The following ENGASE variants were observed in gnomAD, a reference collection of about 807,000 sequenced individuals.
ENGASE encodes the protein cytosolic endo-beta-N-acetylglucosaminidase.
A neutral mutation model predicts 78.5 loss-of-function variants in ENGASE; 69 were observed. The ratio of observed to expected loss-of-function variants is 0.88; its 90% CI spans 0.72 to 1.07. The LOEUF (loss-of-function observed/expected upper bound fraction) is 1.07, where lower values mean the gene tolerates loss of function less well. Among genes scored for constraint, ENGASE ranks in the 50% least tolerant of loss-of-function variants. The pLI is 0.00. For synonymous variants in ENGASE, 408 were observed against 408.9 expected, an observed-to-expected ratio of 1.00 and a Z score of 0.03; for missense variants, 943 against 988.4, an observed-to-expected ratio of 0.95 and a Z score of 0.62.
chr17:79,075,351 G>A (rs1449657886), intron 1 of ENGASE, among the ~76,000 whole-genome samples: 2 of 152,234 alleles, frequency 1.3e-5, no homozygotes, highest in Admixed American at 6.5e-5. Flanking sequence ...AAACCCGAGT[G>A]GCCGCGGGGC....
rs1184585363 is a variant in ENGASE at position 79,083,185 on chromosome 17, T to G, written c.1142+62T>G. Reference sequence around the variant, plus strand: ...ATGGGAGGGAGGGGTTTCTGGTGTCTCTGATAGGACACGTTTGTGCTCTTT... The same window carrying G: ...ATGGGAGGGAGGGGTTTCTGGTGTCGCTGATAGGACACGTTTGTGCTCTTT... On this transcript the variant is annotated intron_variant, in intron 8 of 13. Coordinates refer to ENST00000579016, the MANE Select transcript of ENGASE (RefSeq NM_001042573.3). The surrounding 1 kb of genome is among the most constrained non-coding windows in gnomAD (Gnocchi z 4.9). 1.1e-5 allele frequency: 14 copies of G among 1,239,024 alleles called. No individual in the cohort carries two copies. Among genetic ancestry groups the G allele is most frequent in the Non-Finnish European group, 1.6e-5 (14 of 852,642 alleles). The allele number at this position is 1,239,024 out of a possible 1,614,324, so 76.8% of individuals were successfully genotyped here.
chr17:79,082,391 G>A, intron 7 of ENGASE: 1 of 1,257,838 alleles, frequency 8.0e-7, no homozygotes. Flanking sequence ...TTCCCCGTGA[G>A]GGAAGCCTGC....
intron 6 of ENGASE, 43 bp from the exon 7 acceptor site, chr17:79,081,855 C>T (rs2073148410): frequency 5.1e-6 from 8 of 1,576,134 alleles, no homozygotes; most frequent in African/African-American, 1.4e-5. Flanking sequence ...TGGCCCCATC[C>T]TTCTGGGCCT....
rs1254226138 is a variant in ENGASE, at chr17:79,080,943, A to G, written c.742A>G (p.Met248Val). ...CTTTCAGCTGGCCGCTGTGGGGAAC[A>G]TGCCTCCTTTCCTGCGGTACCTCAC... ...NSLSLAAVGN[M>V]PPFLRYLTTQ... Residue 248 changes from methionine to valine, a missense_variant, in exon 6 of 14, where the codon ATG becomes GTG. Met to Val is a conservative substitution (Grantham distance 21). Transcript: ENST00000579016. 1 of 1,612,864 alleles carries G rather than the reference A, an allele frequency of 6.2e-7. No homozygotes were observed. Among genetic ancestry groups the G allele is most frequent in the Non-Finnish European group, 8.5e-7 (1 of 1,179,512 alleles).
At chr17:79,082,320 T>G in intron 7 of ENGASE, 37 of 1,356,290 alleles carry the variant, frequency 2.7e-5, no homozygotes, top group Non-Finnish European at 2.6e-5. Context: ...AGGCGCGTCG[T>G]TCCCCCGCTG....
At chr17:79,085,117 G>T in intron 11 of ENGASE, 117 bp from the exon 12 acceptor site, 1 of 803,896 alleles carries the variant, frequency 1.2e-6, no homozygotes, top group South Asian at 1.4e-5. Context: ...TGGGACCCGC[G>T]AGCGTCTGGC....
intron 11 of ENGASE, 89 bp downstream of exon 11, chr17:79,084,775 A>G (rs79384977): frequency 2.1e-6 from 3 of 1,455,956 alleles, no homozygotes; most frequent in East Asian, 4.6e-5. Flanking sequence ...TGTGGGGAGG[A>G]GCTGGTGTGG....
rs748177351 is a variant in ENGASE, at chr17:79,079,473, C to T, written c.417-16C>T. The T allele has an allele frequency of 6.2e-7, 1 of 1,610,724 alleles. No individual in the cohort carries two copies. The highest frequency in any genetic ancestry group is 1.1e-5 in the South Asian group (1 of 90,692). On this transcript the variant is annotated splice_polypyrimidine_tract_variant and intron_variant, in intron 3 of 13. Coordinates refer to ENST00000579016, the MANE Select transcript of ENGASE (RefSeq NM_001042573.3). ...ATGAGCTGCCGTGGCCAGCCCTGTT[C>T]TGTTTCTTTCCCCAGGTTCATTCAG...
Position 79,083,439 on chromosome 17 carries a change from T to TCC in ENGASE, c.1143-41_1143-40dup, listed in dbSNP as rs1466150234. The TCC allele has an allele frequency of 3.3e-6, 5 of 1,494,442 alleles. No individual in the cohort carries two copies. The highest frequency in any genetic ancestry group is 1.4e-5 in the African/African-American group (1 of 71,780). The allele number at this position is 1,494,442 out of a possible 1,614,324, so 92.6% of individuals were successfully genotyped here. On this transcript the variant is annotated intron_variant, in intron 8 of 13. Coordinates refer to ENST00000579016, the MANE Select transcript of ENGASE (RefSeq NM_001042573.3). The surrounding 1 kb of genome is among the most constrained non-coding windows in gnomAD (Gnocchi z 4.9). The stretch of plus-strand genomic sequence containing the variant: ...GTTTGAGGGACACTGAGAGGCTCCC[T>TCC]CCCTTCCTCCGGACCGAGCTGTTGC...
Position 79,085,719 on chromosome 17 carries a change from G to A in ENGASE, c.1800G>A (p.Arg600=). The A allele has an allele frequency of 6.2e-7, 1 of 1,613,710 alleles. No individual in the cohort carries two copies. The highest frequency in any genetic ancestry group is 8.5e-7 in the Non-Finnish European group (1 of 1,179,944). ...GSREEESFTC[R]LGEIQVVDAA... is the part of the protein sequence containing the mutation. ...GGGAGGAGGAGAGCTTCACCTGTCG[G>A]CTTGGAGAGATCCAGGTGATGCTTC... The change falls in exon 13 of 14, where the codon CGG becomes CGA. Residue 600 remains arginine, a synonymous_variant. Transcript: ENST00000579016.
Position 79,083,589 on chromosome 17 carries a change from A to AGGTG in ENGASE, c.1251+8_1251+11dup. On this transcript the variant is annotated frameshift_variant and splice_region_variant, in exon 9 of 14. Coordinates refer to ENST00000579016, the MANE Select transcript of ENGASE (RefSeq NM_001042573.3). LOFTEE classifies it high-confidence loss of function. This position sits in a 1 kb window ranked among gnomAD's most constrained non-coding sequence, Gnocchi z 4.9. Reference sequence around the variant, plus strand: ...GGTGCACGGAGGGTCTGCTATGGCCAGGTGGGTGGGTGTCTTCCCTCCGTG... The same window carrying AGGTG: ...GGTGCACGGAGGGTCTGCTATGGCCAGGTGGGTGGGTGGGTGTCTTCCCTCCGTG... The AGGTG allele has an allele frequency of 4.3e-6, 7 of 1,613,364 alleles. No individual in the cohort carries two copies. In the East Asian group the frequency reaches 1.6e-4, roughly 36 times the overall value.
At chr17:79,081,426 T>C (rs1377582541) in intron 6 of ENGASE, among the ~76,000 whole-genome samples, 3 of 151,990 alleles carry the variant, frequency 2.0e-5, no homozygotes, top group Admixed American at 6.5e-5. Flanking sequence ...GGCGTGAACC[T>C]GGGAGGCGGA....
Position 79,074,870 on chromosome 17 carries a change from A to T in ENGASE, c.-75A>T. ...TCCCAGCGCGGCGTCAGCGCTGCGC[A>T]CTTCCCATTGGCCGAGCGCGGCGCG... On this transcript the variant is annotated 5_prime_UTR_variant, in exon 1 of 14. Transcript: ENST00000579016. 8.2e-7 allele frequency: 1 copy of T among 1,219,650 alleles called. No homozygotes were observed. The highest frequency in any genetic ancestry group is 1.0e-6 in the Non-Finnish European group (1 of 978,346). 75.6% of individuals were successfully genotyped at this position (1,219,650 alleles called of 1,614,324 possible).
rs749391575 is a variant in ENGASE at position 79,079,611 on chromosome 17, C to A, written c.539C>A (p.Ala180Asp). Residue 180 changes from alanine (A) to aspartate (D), a missense_variant, in exon 4 of 14, where the codon GCC (alanine) becomes GAC (aspartate). Transcript: ENST00000579016. ...TIPPVGWTNTAHRHGVCVLGT... is the reference protein window; with the variant it reads ...TIPPVGWTNTDHRHGVCVLGT... ...CCCCCAGTGGGCTGGACCAACACTG[C>A]CCACAGGCATGGGGTCTGCGTGCTG... 3 of 1,613,774 alleles carry A rather than the reference C, an allele frequency of 1.9e-6. No homozygotes were observed. In the South Asian group the frequency reaches 3.3e-5, roughly 18 times the overall value.
At position 79,085,992 on chromosome 17, in the gene ENGASE, T is replaced by C; in HGVS notation, c.1875T>C (p.Ser625=). 1.9e-6 allele frequency: 3 copies of C among 1,610,196 alleles called. No homozygotes were observed. Among genetic ancestry groups the C allele is most frequent in the Non-Finnish European group, 2.5e-6 (3 of 1,179,952 alleles). Residue 625 remains serine, a synonymous_variant, in exon 14 of 14, where the codon TCT becomes TCC. Coordinates refer to ENST00000579016, the MANE Select transcript of ENGASE (RefSeq NM_001042573.3). ...CCCAGGTGCAGGCCGTCACCATCTCTCACATCCGCTGGCAGCCATCCGCCT... is the reference window on the plus strand; with the variant it reads ...CCCAGGTGCAGGCCGTCACCATCTCCCACATCCGCTGGCAGCCATCCGCCT... ...PLPQVQAVTI[S]HIRWQPSASE...
intron 5 of ENGASE, among the ~76,000 whole-genome samples, 175 bp from the exon 6 acceptor site, chr17:79,080,750 C>T (rs951579479): frequency 1.4e-4 from 21 of 152,156 alleles, no homozygotes; most frequent in East Asian, 3.9e-4. Flanking sequence ...AAAGGACGGT[C>T]GTCTGTTTGG....
Position 79,083,643 on chromosome 17 carries a change from TG to T in ENGASE, c.1251+56del. ...GTCCTCTGGCCTCAGCTGGGACAGG[TG>T]GGAGGAGCCTGGGACTTGCCAGCAG... On this transcript the variant is annotated intron_variant, in intron 9 of 13. Transcript: ENST00000579016. The surrounding 1 kb of genome is among the most constrained non-coding windows in gnomAD (Gnocchi z 4.9). 6.3e-7 allele frequency: 1 copy of T among 1,581,830 alleles called. No homozygotes were observed. Among genetic ancestry groups the T allele is most frequent in the Non-Finnish European group, 8.7e-7 (1 of 1,152,574 alleles).
chr17:79,082,318 C>A, intron 7 of ENGASE: 1 of 1,380,592 alleles, frequency 7.2e-7, no homozygotes. Flanking sequence ...AGAGGCGCGT[C>A]GTTCCCCCGC....
At chr17:79,085,792 G>A in intron 13 of ENGASE, 58 bp downstream of exon 13, 4 of 1,603,448 alleles carry the variant, frequency 2.5e-6, no homozygotes, top group Non-Finnish European at 3.4e-6. Context: ...TGGAGTGGGG[G>A]TGGAGGCCGC....
Sources: gnomAD v4.1 joint callset for allele counts (sites outside exome capture counted in the v4.1 genomes callset) on GRCh38, gnomAD v4.1.1 for gene constraint, Gnocchi (gnomAD v3.1) non-coding constraint, MANE v1.5 for transcripts, NCBI Gene and HGNC (gene_info 2026-07-23, HGNC 2026-07-21) for gene names.